TMEM178B: variants seen among roughly 807,000 people sequenced by gnomAD.
The protein encoded by TMEM178B is transmembrane protein 178B.
Under a neutral mutation model 31.0 loss-of-function variants are expected in TMEM178B, and 5 were observed. The observed-to-expected ratio is 0.16, with a 90% CI of 0.08 to 0.34. TMEM178B has a LOEUF of 0.34. TMEM178B is among the 10% of genes least tolerant of loss of function. The pLI is 1.00. For synonymous variants in TMEM178B, 164 were observed against 164.0 expected, an observed-to-expected ratio of 1.00 and a Z score of 0.00; for missense variants, 275 against 400.3, an observed-to-expected ratio of 0.69 and a Z score of 2.67.
rs897927646 is a variant in TMEM178B, at chr7:141,479,266, A to G, written c.*8480A>G. 8.5e-5 allele frequency: 13 copies of G among 152,242 alleles called. No individual in the cohort carries two copies. Among genetic ancestry groups the G allele is most frequent in the Non-Finnish European group, 2.9e-5 (2 of 68,072 alleles). 9.4% of individuals were successfully genotyped at this position (152,242 alleles called of 1,614,324 possible). On this transcript the variant is annotated 3_prime_UTR_variant, in exon 4 of 4. Coordinates refer to ENST00000565468, the MANE Select transcript of TMEM178B (RefSeq NM_001195278.2). The stretch of plus-strand genomic sequence containing the variant: ...TCACCTGGGCCAGTCACCTGCTAAT[A>G]TCATCTCACCAATATTTGGAGCTGT...
Position 141,344,899 on chromosome 7 carries a change from A to G in TMEM178B, c.497-92709A>G, listed in dbSNP as rs1466742764. The stretch of plus-strand genomic sequence containing the variant: ...CAGGACTTGGTGGTCTTGGTTGTAA[A>G]GTGACAGAAATGAACAGGACCACAT... On this transcript the variant is annotated intron_variant, in intron 2 of 3. Transcript: ENST00000565468. The surrounding 1 kb of genome is among the most constrained non-coding windows in gnomAD (Gnocchi z 4.1). 6.6e-6 allele frequency among the ~76,000 whole-genome samples: 1 copy of G among 152,186 alleles called. No individual in the cohort carries two copies. The highest frequency in any genetic ancestry group is 1.5e-5 in the Non-Finnish European group (1 of 68,032).
chr7:141,394,393 G>A (rs73520613), intron 2 of TMEM178B, among the ~76,000 whole-genome samples: 79 of 152,352 alleles, frequency 5.2e-4, no homozygotes, highest in African/African-American at 1.7e-3. Flanking sequence ...TCTCCTGTGT[G>A]GTGGCTTGGG....
intron 1 of TMEM178B, among the ~76,000 whole-genome samples, chr7:141,195,446 A>C (rs1035948911): frequency 1.3e-5 from 2 of 152,190 alleles, no homozygotes; most frequent in Middle Eastern, 3.2e-3. Flanking sequence ...ACATAACAGG[A>C]GTCACCTTTA....
chr7:141,305,980 T>C (rs1333276515), intron 2 of TMEM178B, among the ~76,000 whole-genome samples: 3 of 152,178 alleles, frequency 2.0e-5, no homozygotes, highest in African/African-American at 4.8e-5. Context: ...TTGGGTTATT[T>C]TGTCTGGTCT....
At chr7:141,412,925 C>T (rs1421605346) in intron 2 of TMEM178B, among the ~76,000 whole-genome samples, 6 of 152,168 alleles carry the variant, frequency 3.9e-5, no homozygotes, top group South Asian at 2.1e-4. Context: ...TCAAGAGTCT[C>T]GATTTCTAGT....
intron 2 of TMEM178B, among the ~76,000 whole-genome samples, chr7:141,359,560 T>G (rs1799881114): frequency 6.6e-6 from 1 of 152,234 alleles, no homozygotes; most frequent in South Asian, 2.1e-4. Context: ...ACAATTTGAC[T>G]CACAGTGGAT....
intron 2 of TMEM178B, among the ~76,000 whole-genome samples, chr7:141,417,350 CACA>C (rs560754797): frequency 6.6e-6 from 1 of 152,188 alleles, no homozygotes; most frequent in African/African-American, 2.4e-5. Context: ...TAGGAAAGAA[CACA>C]ACAAGAGAAC....
chr7:141,482,024 C>T (rs1220480112), downstream of TMEM178B, among the ~76,000 whole-genome samples: 3 of 152,284 alleles, frequency 2.0e-5, no homozygotes, highest in East Asian at 1.9e-4. Flanking sequence ...TGTGGACAGC[C>T]TCAGGTAAGC....
chr7:141,298,732 G>A (rs1798675962), intron 2 of TMEM178B, among the ~76,000 whole-genome samples: 1 of 152,196 alleles, frequency 6.6e-6, no homozygotes, highest in Non-Finnish European at 1.5e-5. Context: ...AAGGAATCTG[G>A]TAAACAAGTA....
intron 2 of TMEM178B, among the ~76,000 whole-genome samples, chr7:141,221,714 T>C (rs1165384446): frequency 6.6e-6 from 1 of 152,196 alleles, no homozygotes; most frequent in African/African-American, 2.4e-5. Flanking sequence ...GGTTTGATCC[T>C]GGATTTTGGG....
intron 2 of TMEM178B, among the ~76,000 whole-genome samples, chr7:141,257,023 C>T (rs4726439): frequency 1.3e-5 from 2 of 151,760 alleles, no homozygotes; most frequent in South Asian, 2.1e-4. Context: ...TCAAAGGAAG[C>T]GTACAGATGA....
rs1112151 is a variant in TMEM178B at position 141,456,893 on chromosome 7, C to G, written c.635-13643C>G. On this transcript the variant is annotated intron_variant, in intron 3 of 3. Transcript: ENST00000565468. The stretch of plus-strand genomic sequence containing the variant: ...ACTGCACAGCTGTAGGTGCCACTCT[C>G]AGTTTCGTTAAGAAGCCAGTTGGAT... Among the ~76,000 whole-genome samples the G allele has an allele frequency of 5.9e-3, 900 of 152,326 alleles. 8 individuals are homozygous for G. The highest frequency in any genetic ancestry group is 0.02 in the African/African-American group (845 of 41,566).
intron 2 of TMEM178B, among the ~76,000 whole-genome samples, chr7:141,322,842 CCTT>C (rs1799124638): frequency 6.6e-6 from 1 of 152,132 alleles, no homozygotes; most frequent in Non-Finnish European, 1.5e-5. Context: ...TCCCCTCTCT[CCTT>C]CTTCTCCCCT....
At chr7:141,130,237 A>G (rs930084293) in intron 1 of TMEM178B, among the ~76,000 whole-genome samples, 3 of 152,222 alleles carry the variant, frequency 2.0e-5, no homozygotes, top group Non-Finnish European at 2.9e-5. Flanking sequence ...TAAAATATGT[A>G]GATTTTCTTC....
chr7:141,334,220 G>T (rs1453199167), intron 2 of TMEM178B, among the ~76,000 whole-genome samples: 5 of 152,184 alleles, frequency 3.3e-5, no homozygotes. Context: ...TGCAGTATAG[G>T]GTTTTGGTCA....
At chr7:141,337,991 C>G (rs1771723625) in intron 2 of TMEM178B, among the ~76,000 whole-genome samples, 1 of 152,132 alleles carries the variant, frequency 6.6e-6, no homozygotes, top group Non-Finnish European at 1.5e-5. Context: ...GCACCCGTCA[C>G]CACGCCCGGC....
chr7:141,433,975 C>G (rs1422516913), intron 2 of TMEM178B, among the ~76,000 whole-genome samples: 1 of 152,180 alleles, frequency 6.6e-6, no homozygotes. Flanking sequence ...CTGACAAAGC[C>G]CTTTGGGAGG....
chr7:141,316,932 T>TA (rs1799016316), intron 2 of TMEM178B, among the ~76,000 whole-genome samples: 3 of 152,214 alleles, frequency 2.0e-5, no homozygotes, highest in Admixed American at 1.3e-4. Context: ...TGCATGCAGG[T>TA]ACAAACACTC....
chr7:141,081,850 A>G (rs936127886), intron 1 of TMEM178B, among the ~76,000 whole-genome samples: 1 of 152,120 alleles, frequency 6.6e-6, no homozygotes, highest in Non-Finnish European at 1.5e-5. Flanking sequence ...TTCACTCGCC[A>G]CTCACCTCTC....
Sources: gnomAD v4.1 joint callset for allele counts (sites outside exome capture counted in the v4.1 genomes callset) on GRCh38, gnomAD v4.1.1 for gene constraint, Gnocchi (gnomAD v3.1) non-coding constraint, MANE v1.5 for transcripts, NCBI Gene and HGNC (gene_info 2026-07-23, HGNC 2026-07-21) for gene names.